SERPINF2: variants seen among roughly 807,000 people sequenced by gnomAD.
The protein encoded by SERPINF2 is alpha-2-antiplasmin.
A neutral mutation model predicts 45.0 loss-of-function variants in SERPINF2; 15 were observed. The ratio of observed to expected loss-of-function variants is 0.33; its 90% CI spans 0.22 to 0.51. SERPINF2 has a LOEUF of 0.51. Ranked by LOEUF, SERPINF2 falls within the 20% of genes least tolerant of loss-of-function variation. The pLI is 0.97. For missense variants in SERPINF2, 518 were observed against 637.4 expected, an observed-to-expected ratio of 0.81 and a Z score of 2.02; for synonymous variants, 283 against 277.9, an observed-to-expected ratio of 1.02 and a Z score of -0.18.
chr17:1,746,957 A>AG, intron 5 of SERPINF2, 62 bp from the exon 6 acceptor site: 2 of 1,581,142 alleles, frequency 1.3e-6, no homozygotes, highest in Non-Finnish European at 1.7e-6. Flanking sequence ...GAGGGACTGG[A>AG]GTGGGCAGTG....
chr17:1,752,852 G>A, intron 9 of SERPINF2, 62 bp downstream of exon 9: 1 of 1,447,314 alleles, frequency 6.9e-7, no homozygotes, highest in South Asian at 1.2e-5. Context: ...TAAGGAGGAA[G>A]CGTCTGGCTG....
At chr17:1,752,980 C>T (rs542975872) in intron 9 of SERPINF2, among the ~76,000 whole-genome samples, 190 bp downstream of exon 9, 61 of 152,282 alleles carry the variant, frequency 4.0e-4, no homozygotes, top group Admixed American at 2.6e-3. Flanking sequence ...TGGGGTGGCC[C>T]GGGGAATGGG....
At chr17:1,753,912 T>C (rs1242488332) in intron 9 of SERPINF2, among the ~76,000 whole-genome samples, 2 of 152,178 alleles carry the variant, frequency 1.3e-5, no homozygotes, top group African/African-American at 4.8e-5. Context: ...ACTGAAAATG[T>C]ACCTTGGTTG....
Position 1,754,452 on chromosome 17 carries a change from G to C in SERPINF2, c.1394G>C (p.Arg465Pro). ...DFLQSLKGFP[R>P]GDKLFGPDLK... Reference sequence around the variant, plus strand: ...CTCCAGAGCCTGAAAGGCTTCCCCCGCGGAGACAAGCTTTTCGGCCCTGAC... The same window carrying C: ...CTCCAGAGCCTGAAAGGCTTCCCCCCCGGAGACAAGCTTTTCGGCCCTGAC... Residue 465 changes from arginine (R) to proline (P), a missense_variant, in exon 10 of 10, where the codon CGC becomes CCC. Transcript: ENST00000453066. The C allele has an allele frequency of 6.2e-7, 1 of 1,608,412 alleles. No homozygotes were observed. Among genetic ancestry groups the C allele is most frequent in the Non-Finnish European group, 8.5e-7 (1 of 1,176,592 alleles).
At chr17:1,753,271 G>A (rs1056901244) in intron 9 of SERPINF2, among the ~76,000 whole-genome samples, 7 of 152,314 alleles carry the variant, frequency 4.6e-5, no homozygotes, top group African/African-American at 1.7e-4. Flanking sequence ...CAGGTGTGGT[G>A]CATGCTACTG....
chr17:1,746,991 G>T (rs139309534), intron 5 of SERPINF2, 28 bp from the exon 6 acceptor site: 2 of 1,598,732 alleles, frequency 1.3e-6, no homozygotes, highest in East Asian at 2.2e-5. Flanking sequence ...ACCCGCAGCC[G>T]GGCCTCAGCC....
At chr17:1,748,459 C>A in intron 7 of SERPINF2, 139 bp from the exon 8 acceptor site, 1 of 1,086,324 alleles carries the variant, frequency 9.2e-7, no homozygotes, top group Non-Finnish European at 1.4e-6. Flanking sequence ...ACCGCTGTCT[C>A]ATCCTTGAAT....
chr17:1,744,546 C>T (rs1183326162), intron 1 of SERPINF2: 1 of 984,914 alleles, frequency 1.0e-6, no homozygotes, highest in Non-Finnish European at 1.2e-6. Context: ...TGGTCCTCAC[C>T]ATGCATGTGA....
rs143158817 is a variant in SERPINF2, at chr17:1,745,726, G to T, written c.184G>T (p.Ala62Ser). The change falls in exon 5 of 10, where the codon GCC (alanine) becomes TCC (serine). Residue 62 changes from alanine (A) to serine (S), a missense_variant. Physicochemically the swap from Ala to Ser is moderately conservative, Grantham distance 99. Transcript: ENST00000453066. This position sits in a 1 kb window ranked among gnomAD's most constrained non-coding sequence, Gnocchi z 6.2. ...CCTGCAGGAGCCTGGTGGCCAGACT[G>T]CCCTGAAGAGTCCCCCAGGAGTCTG... is the stretch of plus-strand genomic sequence containing the variant. ...LGNQEPGGQT[A>S]LKSPPGVCSR... The T allele has an allele frequency of 1.2e-6, 2 of 1,613,578 alleles. No individual in the cohort carries two copies. The highest frequency in any genetic ancestry group is 1.3e-5 in the African/African-American group (1 of 74,914).
chr17:1,751,993 G>C (rs1193502109), intron 8 of SERPINF2, among the ~76,000 whole-genome samples: 1 of 138,552 alleles, frequency 7.2e-6, no homozygotes, highest in African/African-American at 2.5e-5. Context: ...CCGGTGAAGA[G>C]AGAAAACCAC....
In SERPINF2 at chr17:1,747,484, G is replaced by C; in HGVS notation, c.687G>C (p.Leu229Phe). 1 of 1,614,080 alleles carries C rather than the reference G, an allele frequency of 6.2e-7. No individual in the cohort carries two copies. Among genetic ancestry groups the C allele is most frequent in the South Asian group, 1.1e-5 (1 of 91,068 alleles). The change falls in exon 7 of 10, where the codon TTG (leucine) becomes TTC (phenylalanine). Residue 229 changes from leucine to phenylalanine, a missense_variant. By Grantham distance (22) the Leu-to-Phe change is conservative. Transcript: ENST00000453066. Reference sequence around the variant, plus strand: ...CTGGGCTGCCGGAAGACACCGTGTTGCTTCTCCTCAACGCCATCCACTTCC... The same window carrying C: ...CTGGGCTGCCGGAAGACACCGTGTTCCTTCTCCTCAACGCCATCCACTTCC... ...FLSGLPEDTV[L>F]LLLNAIHFQG...
chr17:1,754,630 C>A lies in SERPINF2; in HGVS notation c.*96C>A. Reference sequence around the variant, plus strand: ...GGCTTTGTGGCACTGGGGCAGGGGCCGGGGGCAGTCTGAGAGAGGCCATTC... The same window carrying A: ...GGCTTTGTGGCACTGGGGCAGGGGCAGGGGGCAGTCTGAGAGAGGCCATTC... On this transcript the variant is annotated 3_prime_UTR_variant, in exon 10 of 10. Coordinates refer to ENST00000453066, the MANE Select transcript of SERPINF2 (RefSeq NM_000934.4). 7.3e-7 allele frequency: 1 copy of A among 1,371,942 alleles called. No individual in the cohort carries two copies. 85.0% of individuals were successfully genotyped at this position (1,371,942 alleles called of 1,614,324 possible).
chr17:1,753,825 C>G (rs537523774), intron 9 of SERPINF2, among the ~76,000 whole-genome samples: 1 of 152,334 alleles, frequency 6.6e-6, no homozygotes, highest in African/African-American at 2.4e-5. Context: ...ATGGGGTGGG[C>G]AGACGAGCAA....
intron 8 of SERPINF2, 60 bp downstream of exon 8, chr17:1,748,800 C>A: frequency 1.1e-6 from 1 of 905,850 alleles, no homozygotes; most frequent in Non-Finnish European, 1.8e-6. Context: ...AGGGAGTGGA[C>A]AGGCTGTGGA....
chr17:1,747,781 C>A (rs1905986284), intron 7 of SERPINF2, among the ~76,000 whole-genome samples: 1 of 152,058 alleles, frequency 6.6e-6, no homozygotes, highest in South Asian at 2.1e-4. Flanking sequence ...CCAGGCTGGC[C>A]TTGAACTCCT....
In SERPINF2 at chr17:1,745,970, C is replaced by G. The variant is rs1448010560; in HGVS notation, c.367+61C>G. 2 of 1,565,786 alleles carry G rather than the reference C, an allele frequency of 1.3e-6. No individual in the cohort carries two copies. Among genetic ancestry groups the G allele is most frequent in the Non-Finnish European group, 8.8e-7 (1 of 1,136,608 alleles). On this transcript the variant is annotated intron_variant, in intron 5 of 9. Transcript: ENST00000453066. The surrounding 1 kb of genome is among the most constrained non-coding windows in gnomAD (Gnocchi z 6.2). ...GGGAGGCCAGTAGGAACTCAGTACT[C>G]CAATGGTTCTCCGCGGGCGGTTCCT...
Position 1,747,243 on chromosome 17 carries a change from C to T in SERPINF2, c.512-66C>T, listed in dbSNP as rs1384964587. 37 of 1,609,544 alleles carry T rather than the reference C, an allele frequency of 2.3e-5. 1 individual carries two copies. Among genetic ancestry groups the T allele is most frequent in the Middle Eastern group, 1.6e-4 (1 of 6,068 alleles). ...GAGCAAGGGGCTGGGCCTCTGGTAG[C>T]GAGTAGGGGCGTGTCTGGCTGTGGA... On this transcript the variant is annotated intron_variant, in intron 6 of 9. Transcript: ENST00000453066.
At chr17:1,748,058 G>T (rs1016803083) in intron 7 of SERPINF2, among the ~76,000 whole-genome samples, 1 of 151,762 alleles carries the variant, frequency 6.6e-6, no homozygotes, top group Non-Finnish European at 1.5e-5. Context: ...CCAACACTTT[G>T]GGAGGCCGAG....
chr17:1,743,608 G>T (rs994184875), intron 1 of SERPINF2, among the ~76,000 whole-genome samples: 2 of 151,680 alleles, frequency 1.3e-5, no homozygotes, highest in Non-Finnish European at 2.9e-5. Flanking sequence ...CCAGCTACTC[G>T]GGAGGCTGAG....
Sources: gnomAD v4.1 joint callset for allele counts (sites outside exome capture counted in the v4.1 genomes callset) on GRCh38, gnomAD v4.1.1 for gene constraint, Gnocchi (gnomAD v3.1) non-coding constraint, MANE v1.5 for transcripts, NCBI Gene and HGNC (gene_info 2026-07-23, HGNC 2026-07-21) for gene names.